Variants in KLF4 observed in about 807,000 individuals in gnomAD.
KLF4 encodes the protein Krueppel-like factor 4.
A neutral mutation model predicts 38.0 loss-of-function variants in KLF4; 14 were observed. The ratio of observed to expected loss-of-function variants is 0.37; its 90% CI spans 0.24 to 0.58. KLF4 has a LOEUF of 0.58. Ranked by LOEUF, KLF4 falls within the 20% of genes least tolerant of loss-of-function variation. KLF4 has a pLI of 0.76. For missense variants in KLF4, 737 were observed against 670.1 expected (o/e 1.10, Z -1.10); for synonymous variants, 398 against 302.5 (o/e 1.32, Z -3.28).
In KLF4 at chr9:107,487,425, TTCC is replaced by T. The variant is rs1202210342; in HGVS notation, c.966_968del (p.Glu323del). ...GGTGACAGTCCCTGCTGCTCAGCAC[TTCC>T]TCAAGACCCAGGGTCGGGGTAGTCC... is the stretch of plus-strand genomic sequence containing the variant. On this transcript the variant is annotated inframe_deletion, in exon 3 of 5. Transcript: ENST00000374672. This position sits in a 1 kb window ranked among gnomAD's most constrained non-coding sequence, Gnocchi z 6.1. The T allele has an allele frequency of 2.0e-6, 3 of 1,519,750 alleles. No individual in the cohort carries two copies. The highest frequency in any genetic ancestry group is 2.6e-6 in the Non-Finnish European group (3 of 1,135,786). The allele number at this position is 1,519,750 out of a possible 1,614,324, so 94.1% of individuals were successfully genotyped here. A position where few individuals can be genotyped will look rare whatever the true frequency, so the allele number is the denominator to read the frequency against.
rs767551221 is a variant in KLF4, at chr9:107,488,097, G to A, written c.297C>T (p.Phe99=). ...TAAAGTCCAGGTCCAGGAGATCGTT[G>A]AACTCCTCGGTCTCTCTCCGAGGTA... ...APLPRRETEE[F]NDLLDLDFIL... is the part of the protein sequence containing the mutation. The change falls in exon 3 of 5, where the codon TTC becomes TTT. Residue 99 remains phenylalanine (F), a synonymous_variant. Coordinates refer to ENST00000374672, the MANE Select transcript of KLF4 (RefSeq NM_004235.6). This position sits in a 1 kb window ranked among gnomAD's most constrained non-coding sequence, Gnocchi z 5.7. The A allele has an allele frequency of 6.2e-7, 1 of 1,613,034 alleles. No homozygotes were observed. Among genetic ancestry groups the A allele is most frequent in the East Asian group, 2.2e-5 (1 of 44,836 alleles).
chr9:107,489,533 G>A lies in KLF4; in HGVS notation c.-361C>T, dbSNP rs576997251. 4.2e-4 allele frequency: 113 copies of A among 267,968 alleles called. 1 individual carries two copies. Among genetic ancestry groups the A allele is most frequent in the Admixed American group, 1.8e-3 (34 of 18,520 alleles). The allele number at this position is 267,968 out of a possible 1,614,324, so 16.6% of individuals were successfully genotyped here. ...CGGTGGGCGGGCGGTGCCGCCAGGT[G>A]AGACTGGCTGCCGTGGCGCGGAGCT... On this transcript the variant is annotated 5_prime_UTR_variant, in exon 1 of 5. Coordinates refer to ENST00000374672, the MANE Select transcript of KLF4 (RefSeq NM_004235.6).
Position 107,487,692 on chromosome 9 carries a change from C to A in KLF4, c.702G>T (p.Ser234=), listed in dbSNP as rs775926886. The change falls in exon 3 of 5, where the codon TCG becomes TCT. Residue 234 remains serine (S), a synonymous_variant. Coordinates refer to ENST00000374672, the MANE Select transcript of KLF4 (RefSeq NM_004235.6). The surrounding 1 kb of genome is among the most constrained non-coding windows in gnomAD (Gnocchi z 6.1). ...GLMGKFVLKA[S]LSAPGSEYGS... ...CGTACTCGCTGCCAGGGGCGCTCAG[C>A]GACGCCTTCAGCACGAACTTGCCCA... 1.7e-5 allele frequency: 28 copies of A among 1,605,656 alleles called. No individual in the cohort carries two copies. In the Admixed American group the frequency reaches 3.2e-4, roughly 18 times the overall value.
chr9:107,485,538 G>A lies in KLF4; in HGVS notation c.*213C>T, dbSNP rs1829044527. On this transcript the variant is annotated 3_prime_UTR_variant, in exon 5 of 5. Coordinates refer to ENST00000374672, the MANE Select transcript of KLF4 (RefSeq NM_004235.6). The surrounding 1 kb of genome is among the most constrained non-coding windows in gnomAD (Gnocchi z 4.9). ...CGGATTTAGAATTGGAATGATAGAA[G>A]ATCCAGTCACAGACCCCATCTGTTC... is the stretch of plus-strand genomic sequence containing the variant. 3 of 472,720 alleles carry A rather than the reference G, an allele frequency of 6.3e-6. No homozygotes were observed. The East Asian group carries it at 1.1e-4, about 17-fold the overall frequency. The allele number at this position is 472,720 out of a possible 1,614,324, so 29.3% of individuals were successfully genotyped here. A position where few individuals can be genotyped will look rare whatever the true frequency, so the allele number is the denominator to read the frequency against.
At position 107,488,229 on chromosome 9, in the gene KLF4, G is replaced by A. The variant is rs1829122994; in HGVS notation, c.165C>T (p.Pro55=). ...CATAGGGGCGGCCGGGAAGCACTGGGGGAAGTCGCTTCATGTGGGAGAGCT... is the reference window on the plus strand; with the variant it reads ...CATAGGGGCGGCCGGGAAGCACTGGAGGAAGTCGCTTCATGTGGGAGAGCT... ...REELSHMKRL[P]PVLPGRPYDL... Residue 55 remains proline (P), a synonymous_variant, in exon 3 of 5, where the codon CCC becomes CCT. Transcript: ENST00000374672. This position sits in a 1 kb window ranked among gnomAD's most constrained non-coding sequence, Gnocchi z 5.7. 6.2e-7 allele frequency: 1 copy of A among 1,610,672 alleles called. No homozygotes were observed.
chr9:107,486,807 T>C (rs994795757), intron 4 of KLF4, among the ~76,000 whole-genome samples: 1 of 152,088 alleles, frequency 6.6e-6, no homozygotes, highest in Admixed American at 6.6e-5. Flanking sequence ...AAAAGGCTCC[T>C]GGGCAGAAAA....
At chr9:107,486,503 C>T (rs943610568) in intron 4 of KLF4, among the ~76,000 whole-genome samples, 2 of 150,906 alleles carry the variant, frequency 1.3e-5, no homozygotes, top group East Asian at 2.0e-4. Context: ...AAACCTTCTG[C>T]TTGTGGGGGA....
In KLF4 at chr9:107,488,925, C is replaced by A; in HGVS notation, c.126+5G>T. Reference sequence around the variant, plus strand: ...GCGTTCCCGGCGGCCCGGAGCGATACTCACGTTATTCGGGGCACCTGCTTG... The same window carrying A: ...GCGTTCCCGGCGGCCCGGAGCGATAATCACGTTATTCGGGGCACCTGCTTG... On this transcript the variant is annotated splice_donor_5th_base_variant and intron_variant, in intron 2 of 4. Transcript: ENST00000374672. The surrounding 1 kb of genome is among the most constrained non-coding windows in gnomAD (Gnocchi z 5.7). The A allele has an allele frequency of 6.4e-7, 1 of 1,552,828 alleles. No individual in the cohort carries two copies. Among genetic ancestry groups the A allele is most frequent in the East Asian group, 2.4e-5 (1 of 41,084 alleles).
Position 107,489,022 on chromosome 9 carries a change from C to A in KLF4, c.34G>T (p.Val12Phe). 6.4e-7 allele frequency: 1 copy of A among 1,560,862 alleles called. No individual in the cohort carries two copies. Among genetic ancestry groups the A allele is most frequent in the South Asian group, 1.2e-5 (1 of 84,738 alleles). ...AAAGATGGGAGCAGCGCGTCGCTGACAGCCATGTCAGACTCGCCAGGTGGC... is the reference window on the plus strand; with the variant it reads ...AAAGATGGGAGCAGCGCGTCGCTGAAAGCCATGTCAGACTCGCCAGGTGGC... ...RQPPGESDMA[V>F]SDALLPSFST... is the part of the protein sequence containing the mutation. Residue 12 changes from valine (V) to phenylalanine (F), a missense_variant, in exon 2 of 5, where the codon GTC (valine) becomes TTC (phenylalanine). This residue lies in a region of KLF4 where 695 missense variants were observed against 554.5 expected (regional missense o/e 1.25). Coordinates refer to ENST00000374672, the MANE Select transcript of KLF4 (RefSeq NM_004235.6).
rs770594668 is a variant in KLF4, at chr9:107,487,131, C to A, written c.1161G>T (p.Ser387=). The A allele has an allele frequency of 1.2e-6, 2 of 1,614,064 alleles. No individual in the cohort carries two copies. The highest frequency in any genetic ancestry group is 1.7e-6 in the Non-Finnish European group (2 of 1,180,034). The change falls in exon 4 of 5, where the codon TCG becomes TCT. Residue 387 remains serine, a synonymous_variant. Transcript: ENST00000374672. This position sits in a 1 kb window ranked among gnomAD's most constrained non-coding sequence, Gnocchi z 6.1. ...GGGTGGCGGTCCTTTTCCGGGGCCA[C>A]GATCGTCTTCCCCTCTTTGGCTTGG... ...EEPKPKRGRR[S]WPRKRTATHT... is the part of the protein sequence containing the mutation.
Position 107,488,789 on chromosome 9 carries a change from T to C in KLF4, c.126+141A>G, listed in dbSNP as rs554522155. ...AGCTGAGCCAAGGACACGGAAGCTATCCCGGGAAGGTTGCGGAGTCCGCGC... is the reference window on the plus strand; with the variant it reads ...AGCTGAGCCAAGGACACGGAAGCTACCCCGGGAAGGTTGCGGAGTCCGCGC... On this transcript the variant is annotated intron_variant, in intron 2 of 4. Transcript: ENST00000374672. The surrounding 1 kb of genome is among the most constrained non-coding windows in gnomAD (Gnocchi z 5.7). The C allele has an allele frequency of 3.3e-6, 4 of 1,200,276 alleles. No homozygotes were observed. The South Asian group carries it at 6.2e-5, about 18-fold the overall frequency. 74.4% of individuals were successfully genotyped at this position (1,200,276 alleles called of 1,614,324 possible).
Position 107,487,730 on chromosome 9 carries a change from C to T in KLF4, c.664G>A (p.Gly222Ser). The change falls in exon 3 of 5, where the codon GGT becomes AGT. Residue 222 changes from glycine to serine, a missense_variant. Gly to Ser is a moderately conservative substitution (Grantham distance 56). Around this residue, in one of 2 missense-constraint regions of KLF4, gnomAD observed 695 missense variants for 554.5 expected, o/e 1.25. Transcript: ENST00000374672. The surrounding 1 kb of genome is among the most constrained non-coding windows in gnomAD (Gnocchi z 6.1). ...ACGAACTTGCCCATCAGCCCGCCACCTGGCGGCTGCGGCTGCTGCGGCGGA... is the reference window on the plus strand; with the variant it reads ...ACGAACTTGCCCATCAGCCCGCCACTTGGCGGCTGCGGCTGCTGCGGCGGA... ...YIPPQQPQPP[G>S]GGLMGKFVLK... 1 of 1,592,604 alleles carries T rather than the reference C, an allele frequency of 6.3e-7. No homozygotes were observed. The highest frequency in any genetic ancestry group is 8.5e-7 in the Non-Finnish European group (1 of 1,170,396).
Position 107,487,380 on chromosome 9 carries a change from G to C in KLF4, c.1014C>G (p.Pro338=), listed in dbSNP as rs758740181. The change falls in exon 3 of 5, where the codon CCC becomes CCG. Residue 338 remains proline, a synonymous_variant. Coordinates refer to ENST00000374672, the MANE Select transcript of KLF4 (RefSeq NM_004235.6). This position sits in a 1 kb window ranked among gnomAD's most constrained non-coding sequence, Gnocchi z 6.1. The stretch of plus-strand genomic sequence containing the variant: ...TGGGCCCCGGGTGGGGATGGAAGCC[G>C]GGAGGAAGCGGCAGGGCAGGGTGAC... The part of the protein sequence containing the change: ...RDCHPALPLP[P]GFHPHPGPNY... 6 of 1,535,756 alleles carry C rather than the reference G, an allele frequency of 3.9e-6. No homozygotes were observed. In the East Asian group the frequency reaches 9.1e-5, roughly 23 times the overall value.
intron 4 of KLF4, 141 bp downstream of exon 4, chr9:107,486,887 A>G: frequency 6.6e-7 from 1 of 1,523,172 alleles, no homozygotes; most frequent in Non-Finnish European, 8.9e-7. Flanking sequence ...TGGGAAGCCA[A>G]GGAGGCACTG....
At chr9:107,486,096 A>G (rs879561597) in intron 4 of KLF4, among the ~76,000 whole-genome samples, 170 bp from the exon 5 acceptor site, 1 of 152,178 alleles carries the variant, frequency 6.6e-6, no homozygotes, top group Non-Finnish European at 1.5e-5. Flanking sequence ...ATAAACAGAA[A>G]TACATTCCGT....
Position 107,487,344 on chromosome 9 carries a change from G to C in KLF4, c.1050C>G (p.Ser350=). The change falls in exon 3 of 5, where the codon TCC becomes TCG. Residue 350 remains serine, a synonymous_variant. Coordinates refer to ENST00000374672, the MANE Select transcript of KLF4 (RefSeq NM_004235.6). The surrounding 1 kb of genome is among the most constrained non-coding windows in gnomAD (Gnocchi z 6.1). ...FHPHPGPNYP[S]FLPDQMQPQV... ...GCGGCTGCATCTGATCGGGCAGGAA[G>C]GATGGGTAATTGGGCCCCGGGTGGG... 1.9e-6 allele frequency: 3 copies of C among 1,554,982 alleles called. No homozygotes were observed. The East Asian group carries it at 6.8e-5, about 35-fold the overall frequency.
In KLF4 at chr9:107,487,323, C is replaced by T; in HGVS notation, c.1071G>A (p.Gln357=). Residue 357 remains glutamine (Q), a synonymous_variant, in exon 3 of 5, where the codon CAG becomes CAA. Coordinates refer to ENST00000374672, the MANE Select transcript of KLF4 (RefSeq NM_004235.6). The surrounding 1 kb of genome is among the most constrained non-coding windows in gnomAD (Gnocchi z 6.1). The part of the protein sequence containing the change: ...NYPSFLPDQM[Q]PQVPPLHYQE... The stretch of plus-strand genomic sequence containing the variant: ...GGTAATGGAGCGGCGGGACTTGCGG[C>T]TGCATCTGATCGGGCAGGAAGGATG... 1.3e-6 allele frequency: 2 copies of T among 1,568,216 alleles called. No homozygotes were observed. Among genetic ancestry groups the T allele is most frequent in the Non-Finnish European group, 1.7e-6 (2 of 1,157,060 alleles).
At position 107,487,516 on chromosome 9, in the gene KLF4, G is replaced by A. The variant is rs1040773971; in HGVS notation, c.878C>T (p.Pro293Leu). 1.2e-5 allele frequency: 18 copies of A among 1,549,454 alleles called. No individual in the cohort carries two copies. The highest frequency in any genetic ancestry group is 9.7e-5 in the Admixed American group (5 of 51,304). ...SSCTHLGAGPPLSNGHRPAAH... is the reference protein window; with the variant it reads ...SSCTHLGAGPLLSNGHRPAAH... Reference sequence around the variant, plus strand: ...AGCCGGCCGGTGGCCATTGCTGAGAGGGGGTCCAGCGCCCAAGTGGGTGCA... The same window carrying A: ...AGCCGGCCGGTGGCCATTGCTGAGAAGGGGTCCAGCGCCCAAGTGGGTGCA... The change falls in exon 3 of 5, where the codon CCT (proline) becomes CTT (leucine). Residue 293 changes from proline to leucine, a missense_variant. Pro to Leu is a moderately conservative substitution (Grantham distance 98). Transcript: ENST00000374672. This position sits in a 1 kb window ranked among gnomAD's most constrained non-coding sequence, Gnocchi z 6.1.
chr9:107,486,230 G>A (rs1329975199), intron 4 of KLF4, among the ~76,000 whole-genome samples: 1 of 152,178 alleles, frequency 6.6e-6, no homozygotes, highest in Non-Finnish European at 1.5e-5. Context: ...TTTCATTTGA[G>A]TCAAGGCATC....
Sources: gnomAD v4.1 joint callset for allele counts (sites outside exome capture counted in the v4.1 genomes callset) on GRCh38, gnomAD v4.1.1 for gene constraint, gnomAD v4.1.1 regional missense constraint, Gnocchi (gnomAD v3.1) non-coding constraint, MANE v1.5 for transcripts, NCBI Gene and HGNC (gene_info 2026-07-23, HGNC 2026-07-21) for gene names.